The following ZNG1E variants were observed in gnomAD, a reference collection of about 807,000 sequenced individuals.
ZNG1E encodes the protein zinc-regulated GTPase metalloprotein activator 1E.
the ZNG1E span, among the ~76,000 whole-genome samples, chr9:65,702,357 G>C: frequency 5.9e-5 from 9 of 151,602 alleles, no homozygotes; most frequent in African/African-American, 2.2e-4. Context: ...GAATTTAACA[G>C]GTACTTTTTG....
chr9:65,686,609 T>C, the ZNG1E span, among the ~76,000 whole-genome samples: 2 of 152,208 alleles, frequency 1.3e-5, no homozygotes, highest in African/African-American at 2.4e-5. Context: ...CACTCCAGCC[T>C]GGGTGACAGA....
chr9:65,703,655 G>A, the ZNG1E span: 10,930 of 947,338 alleles, frequency 0.012, 361 homozygotes, highest in Admixed American at 0.013. Flanking sequence ...TCAGCAACAG[G>A]CAGCCAGGAG....
chr9:65,685,043 T>TA, the ZNG1E span, among the ~76,000 whole-genome samples: 1,432 of 107,712 alleles, frequency 0.013, 13 homozygotes, highest in African/African-American at 0.041. Context: ...CCCCATTTCT[T>TA]AAAAAAAAAA....
chr9:65,684,350 A>G, the ZNG1E span, among the ~76,000 whole-genome samples: 1 of 150,376 alleles, frequency 6.6e-6, no homozygotes, highest in African/African-American at 2.4e-5. Context: ...CAGCCTAGCC[A>G]ACATGGTGAA....
At chr9:65,719,784 G>A in the ZNG1E span, 2 of 463,370 alleles carry the variant, frequency 4.3e-6, no homozygotes, top group Non-Finnish European at 7.5e-6. Flanking sequence ...ACAAAATAGT[G>A]TTGCTAAAAG....
chr9:65,710,590 A>C, the ZNG1E span, among the ~76,000 whole-genome samples: 1 of 152,096 alleles, frequency 6.6e-6, no homozygotes, highest in Non-Finnish European at 1.5e-5. Context: ...CAGTTTTCCC[A>C]GAACCATTTA....
chr9:65,694,441 A>T, the ZNG1E span, among the ~76,000 whole-genome samples: 216 of 150,470 alleles, frequency 1.4e-3, no homozygotes, highest in African/African-American at 5.1e-3. Context: ...TGGAGGCCAA[A>T]AAAACAAAGC....
the ZNG1E span, among the ~76,000 whole-genome samples, chr9:65,689,493 A>G: frequency 3.0e-3 from 430 of 141,906 alleles, 19 homozygotes; most frequent in South Asian, 0.03. Context: ...AATTTTGTCC[A>G]TTCATCTTTA....
the ZNG1E span, among the ~76,000 whole-genome samples, chr9:65,663,996 G>C: frequency 6.6e-6 from 1 of 152,190 alleles, no homozygotes; most frequent in Non-Finnish European, 1.5e-5. Context: ...ATATATATGA[G>C]CACATATTAA....
At chr9:65,658,149 T>A in the ZNG1E span, among the ~76,000 whole-genome samples, 1 of 151,644 alleles carries the variant, frequency 6.6e-6, no homozygotes, top group African/African-American at 2.4e-5. Context: ...ATACCTATTA[T>A]GTACCAATAA....
the ZNG1E span, among the ~76,000 whole-genome samples, chr9:65,683,964 A>G: frequency 6.6e-6 from 1 of 152,282 alleles, no homozygotes; most frequent in African/African-American, 2.4e-5. Context: ...TTATTTCATC[A>G]TAGCCAGTTT....
the ZNG1E span, among the ~76,000 whole-genome samples, chr9:65,693,652 G>A: frequency 4.7e-5 from 7 of 148,134 alleles, no homozygotes. Context: ...CCACCTCCCA[G>A]GTTCAAGCGA....
chr9:65,714,627 G>A, the ZNG1E span, among the ~76,000 whole-genome samples: 1 of 152,232 alleles, frequency 6.6e-6, no homozygotes, highest in African/African-American at 2.4e-5. Context: ...CTGCAGGTCT[G>A]TTGGAGTACC....
chr9:65,684,188 A>G, the ZNG1E span, among the ~76,000 whole-genome samples: 1 of 152,084 alleles, frequency 6.6e-6, no homozygotes, highest in Non-Finnish European at 1.5e-5. Context: ...AAAAAATTTA[A>G]ATACCTAAAA....
the ZNG1E span, chr9:65,731,358 C>G: frequency 6.3e-6 from 1 of 159,322 alleles, no homozygotes; most frequent in East Asian, 1.5e-4. Flanking sequence ...ATAATGAGGA[C>G]CCTTTCATCA....
the ZNG1E span, among the ~76,000 whole-genome samples, chr9:65,660,726 C>T: frequency 0.12 from 15,353 of 128,022 alleles, 7 homozygotes; most frequent in East Asian, 0.22. Flanking sequence ...AGTATCCCTG[C>T]CAATTGATAC....
At chr9:65,666,827 T>A in the ZNG1E span, among the ~76,000 whole-genome samples, 2 of 152,134 alleles carry the variant, frequency 1.3e-5, no homozygotes, top group Non-Finnish European at 2.9e-5. Flanking sequence ...TTTTCTTTTT[T>A]TTTTCCTTTG....
At chr9:65,690,778 A>C in the ZNG1E span, among the ~76,000 whole-genome samples, 1 of 152,174 alleles carries the variant, frequency 6.6e-6, no homozygotes, top group East Asian at 1.9e-4. Flanking sequence ...AATGGGTATA[A>C]ATAGTAAAAG....
At chr9:65,658,115 A>C in the ZNG1E span, among the ~76,000 whole-genome samples, 2 of 138,926 alleles carry the variant, frequency 1.4e-5, no homozygotes, top group Non-Finnish European at 3.1e-5. Context: ...AAAAAAAAAA[A>C]ACTTATGTTC....
Sources: gnomAD v4.1 joint callset for allele counts (sites outside exome capture counted in the v4.1 genomes callset) on GRCh38, gnomAD v4.1.1 for gene constraint, MANE v1.5 for transcripts, NCBI Gene and HGNC (gene_info 2026-07-23, HGNC 2026-07-21) for gene names.